The following ZFHX3 variants were observed in gnomAD, a reference collection of about 807,000 sequenced individuals.
The protein encoded by ZFHX3 is zinc finger homeobox 3.
A neutral mutation model predicts 279.1 loss-of-function variants in ZFHX3; 42 were observed. That is an observed-to-expected ratio of 0.15 (90% confidence interval 0.12 to 0.19). The LOEUF is 0.19. Among genes scored for constraint, ZFHX3 ranks in the 10% least tolerant of loss-of-function variants. The pLI is 1.00. For synonymous variants in ZFHX3, 2,293 were observed against 1,957.8 expected (o/e 1.17, Z -4.52); for missense variants, 4,981 against 4,754.0 (o/e 1.05, Z -1.40).
At position 72,953,236 on chromosome 16, in the gene ZFHX3, G is replaced by A. The variant is rs1021788386; in HGVS notation, c.2720-2271C>T. Reference sequence around the variant, plus strand: ...GTTGTCTGTCTTCCCATCTCCCCTGGTGAGAGGAACCATAACTATGTCATT... The same window carrying A: ...GTTGTCTGTCTTCCCATCTCCCCTGATGAGAGGAACCATAACTATGTCATT... On this transcript the variant is annotated intron_variant, in intron 2 of 9. Transcript: ENST00000268489. Among the ~76,000 whole-genome samples the A allele has an allele frequency of 1.1e-4, 17 of 151,452 alleles. 1 individual carries two copies. The highest frequency in any genetic ancestry group is 1.1e-3 in the Admixed American group (17 of 15,222).
chr16:73,384,644 T>C (rs1352201547), intron 3 of ZFHX3, among the ~76,000 whole-genome samples: 14 of 152,212 alleles, frequency 9.2e-5, no homozygotes, highest in Non-Finnish European at 2.1e-4. Flanking sequence ...TCTCACCTCA[T>C]AGGCCTCACT....
chr16:73,869,451 G>A (rs764521669), intron 1 of ZFHX3, among the ~76,000 whole-genome samples: 5 of 152,178 alleles, frequency 3.3e-5, no homozygotes, highest in Non-Finnish European at 7.3e-5. Context: ...AGTTACACAG[G>A]CAAAAGGCTA....
chr16:72,953,958 G>A (rs1263627367), intron 2 of ZFHX3, among the ~76,000 whole-genome samples: 1 of 152,194 alleles, frequency 6.6e-6, no homozygotes, highest in African/African-American at 2.4e-5. Flanking sequence ...AACTCCCTTC[G>A]AGAACTATGC....
chr16:72,954,942 A>T (rs1322676672), intron 2 of ZFHX3, among the ~76,000 whole-genome samples: 1 of 152,230 alleles, frequency 6.6e-6, no homozygotes, highest in Non-Finnish European at 1.5e-5. Flanking sequence ...ACTCAGTCAC[A>T]TCTAATAACA....
chr16:73,667,300 C>T (rs1273253704), intron 2 of ZFHX3, among the ~76,000 whole-genome samples: 1 of 152,182 alleles, frequency 6.6e-6, no homozygotes, highest in Non-Finnish European at 1.5e-5. Flanking sequence ...GGATATGCAA[C>T]TATTTATCCA....
At chr16:72,955,384 T>C (rs1219614449) in intron 2 of ZFHX3, among the ~76,000 whole-genome samples, 2 of 152,218 alleles carry the variant, frequency 1.3e-5, no homozygotes, top group Admixed American at 6.5e-5. Flanking sequence ...CCCAGGACAG[T>C]GCATGATGCC....
intron 3 of ZFHX3, among the ~76,000 whole-genome samples, chr16:72,919,240 C>G (rs192354112): frequency 1.3e-5 from 2 of 151,980 alleles, no homozygotes; most frequent in East Asian, 2.0e-4. Context: ...CTCACTGCAG[C>G]CTGGAACTCC....
intron 3 of ZFHX3, among the ~76,000 whole-genome samples, chr16:72,928,699 C>T (rs1024179361): frequency 6.6e-6 from 1 of 152,198 alleles, no homozygotes; most frequent in East Asian, 1.9e-4. Context: ...ATTCTTAGGC[C>T]AGATATAGTG....
At chr16:73,213,366 C>T (rs1052616538) in intron 5 of ZFHX3, among the ~76,000 whole-genome samples, 14 of 152,202 alleles carry the variant, frequency 9.2e-5, no homozygotes, top group African/African-American at 3.4e-4. Flanking sequence ...TCTCTTTTCT[C>T]TCAACTGTAA....
At chr16:73,197,955 T>G (rs1968188516) in intron 5 of ZFHX3, among the ~76,000 whole-genome samples, 1 of 123,686 alleles carries the variant, frequency 8.1e-6, no homozygotes, top group South Asian at 2.6e-4. Flanking sequence ...TTTTTTTTTT[T>G]GAGATGGAGT....
intron 1 of ZFHX3, among the ~76,000 whole-genome samples, chr16:73,690,342 T>C (rs982373181): frequency 6.6e-6 from 1 of 152,196 alleles, no homozygotes; most frequent in Admixed American, 6.5e-5. Context: ...CCAGCTAACA[T>C]GGTATGGTCC....
At chr16:73,056,453 C>G (rs576761205) in intron 1 of ZFHX3, among the ~76,000 whole-genome samples, 20 of 152,188 alleles carry the variant, frequency 1.3e-4, no homozygotes, top group Non-Finnish European at 2.6e-4. Flanking sequence ...AAGCAAACTC[C>G]CAACCCCTAG....
At chr16:73,407,222 G>A (rs1449487848) in intron 3 of ZFHX3, among the ~76,000 whole-genome samples, 3 of 152,174 alleles carry the variant, frequency 2.0e-5, no homozygotes, top group South Asian at 2.1e-4. Flanking sequence ...AATGCCAGTC[G>A]TGCAGAGGTT....
intron 3 of ZFHX3, among the ~76,000 whole-genome samples, chr16:72,896,768 CTTCT>C (rs2144109238): frequency 6.6e-6 from 1 of 152,340 alleles, no homozygotes; most frequent in Admixed American, 6.5e-5. Flanking sequence ...CGATAGGAAA[CTTCT>C]AACATCTGGT....
At chr16:73,877,782 A>T (rs1360241867) in intron 1 of ZFHX3, among the ~76,000 whole-genome samples, 1 of 152,158 alleles carries the variant, frequency 6.6e-6, no homozygotes, top group Non-Finnish European at 1.5e-5. Flanking sequence ...AAAAGAGAAC[A>T]TGGAAGCCTC....
chr16:73,394,201 A>T (rs2017079542), intron 3 of ZFHX3, among the ~76,000 whole-genome samples: 1 of 149,536 alleles, frequency 6.7e-6, no homozygotes, highest in African/African-American at 2.5e-5. Flanking sequence ...CGAATAAGGC[A>T]GGTTAAGAGC....
intron 4 of ZFHX3, among the ~76,000 whole-genome samples, chr16:73,264,490 A>T (rs2013911488): frequency 6.6e-6 from 1 of 151,884 alleles, no homozygotes; most frequent in Non-Finnish European, 1.5e-5. Context: ...ATGCCCCAAG[A>T]TTTTCCCAAT....
chr16:73,327,675 A>G (rs1263239204), intron 3 of ZFHX3, among the ~76,000 whole-genome samples: 2 of 152,250 alleles, frequency 1.3e-5, no homozygotes, highest in Admixed American at 6.5e-5. Context: ...ATTCAAGAAT[A>G]CCAACTTTAT....
At chr16:72,829,618 A>G in intron 5 of ZFHX3, 161 bp downstream of exon 5, 1 of 692,304 alleles carries the variant, frequency 1.4e-6, no homozygotes, top group Non-Finnish European at 2.5e-6. Flanking sequence ...GACTGCTCAA[A>G]GAAGCAAACG....
Sources: gnomAD v4.1 joint callset for allele counts (sites outside exome capture counted in the v4.1 genomes callset) on GRCh38, gnomAD v4.1.1 for gene constraint, MANE v1.5 for transcripts, NCBI Gene and HGNC (gene_info 2026-07-23, HGNC 2026-07-21) for gene names.